The following MYLK3 variants were observed in gnomAD, a reference collection of about 807,000 sequenced individuals.
MYLK3 encodes MLC kinase.
MYLK3 carries 55 observed loss-of-function variants against 76.3 expected under a neutral mutation model. The ratio of observed to expected loss-of-function variants is 0.72; its 90% CI spans 0.58 to 0.90. The LOEUF (loss-of-function observed/expected upper bound fraction) is 0.90. MYLK3 is among the 40% of genes least tolerant of loss of function. The pLI is 0.00. For missense variants in MYLK3, 973 were observed against 1,053.6 expected (o/e 0.92, Z 1.06); for synonymous variants, 416 against 425.4 (o/e 0.98, Z 0.27).
Position 46,737,911 on chromosome 16 carries a change from T to A in MYLK3, c.801A>T (p.Ala267=). The change falls in exon 3 of 13, where the codon GCA becomes GCT. Residue 267 remains alanine, a synonymous_variant. Transcript: ENST00000394809. ...GGGAGACCACATTGACCCTGCCGGG[T>A]GCTGGAGCCAATTCCAGGCCAGTCC... ...NLRTGLELAP[A]PGRVNVVSPS... The A allele has an allele frequency of 1.2e-6, 2 of 1,614,140 alleles. No homozygotes were observed. Among genetic ancestry groups the A allele is most frequent in the Non-Finnish European group, 1.7e-6 (2 of 1,180,006 alleles).
In MYLK3 at chr16:46,732,118, C is replaced by A. The variant is rs945087187; in HGVS notation, c.1462+90G>T. On this transcript the variant is annotated intron_variant, in intron 4 of 12. Coordinates refer to ENST00000394809, the MANE Select transcript of MYLK3 (RefSeq NM_182493.3). ...GCCCCCAGACTCATATGATCTACCC[C>A]TGGAAGCTACAGGAAGACTCCCCAG... The A allele has an allele frequency of 2.2e-5, 25 of 1,144,590 alleles. No individual in the cohort carries two copies. In the Admixed American group the frequency reaches 2.2e-4, roughly 10 times the overall value. The allele number at this position is 1,144,590 out of a possible 1,614,324, so 70.9% of individuals were successfully genotyped here. A position where few individuals can be genotyped will look rare whatever the true frequency, so the allele number is the denominator to read the frequency against.
At chr16:46,738,991 C>T (rs1966889243) in intron 2 of MYLK3, among the ~76,000 whole-genome samples, 1 of 152,148 alleles carries the variant, frequency 6.6e-6, no homozygotes. Flanking sequence ...CAGGCACATG[C>T]CACCATGCCC....
Position 46,710,716 on chromosome 16 carries a change from C to T in MYLK3, c.2188G>A (p.Asp730Asn). 6.2e-7 allele frequency: 1 copy of T among 1,614,156 alleles called. No individual in the cohort carries two copies. The highest frequency in any genetic ancestry group is 8.5e-7 in the Non-Finnish European group (1 of 1,180,038). ...TMNFIVNCSW[D>N]FDADTFEGLS... Reference sequence around the variant, plus strand: ...CCTTCAAAGGTGTCAGCATCAAAATCCCAGCTACAGTTTACAATGAAATTC... The same window carrying T: ...CCTTCAAAGGTGTCAGCATCAAAATTCCAGCTACAGTTTACAATGAAATTC... The change falls in exon 11 of 13, where the codon GAT (aspartate) becomes AAT (asparagine). Residue 730 changes from aspartate (D) to asparagine (N), a missense_variant. By Grantham distance (23) the Asp-to-Asn change is conservative. Transcript: ENST00000394809.
At chr16:46,750,576 C>G (rs1210632806), upstream of MYLK3, among the ~76,000 whole-genome samples, 1 of 152,214 alleles carries the variant, frequency 6.6e-6, no homozygotes, top group Non-Finnish European at 1.5e-5. Flanking sequence ...CACCTATAAT[C>G]CCAGCTACTT....
chr16:46,733,046 G>C (rs1966855942), intron 3 of MYLK3, among the ~76,000 whole-genome samples: 1 of 152,204 alleles, frequency 6.6e-6, no homozygotes. Context: ...GGAAGCCCCA[G>C]ATCAGAAGTA....
In MYLK3 at chr16:46,747,943, A is replaced by G. The variant is rs898051564; in HGVS notation, c.251T>C (p.Ile84Thr). 2.5e-6 allele frequency: 4 copies of G among 1,613,354 alleles called. No homozygotes were observed. The highest frequency in any genetic ancestry group is 1.1e-5 in the South Asian group (1 of 91,076). Residue 84 changes from isoleucine to threonine, a missense_variant, in exon 1 of 13, where the codon ATT (isoleucine) becomes ACT (threonine). Coordinates refer to ENST00000394809, the MANE Select transcript of MYLK3 (RefSeq NM_182493.3). ...GPGGADGVPHIDTQAGWPEVL... is the reference protein window; with the variant it reads ...GPGGADGVPHTDTQAGWPEVL... ...CTCGGGCCACCCAGCCTGGGTGTCAATGTGGGGAACCCCATCAGCCCCGCC... is the reference window on the plus strand; with the variant it reads ...CTCGGGCCACCCAGCCTGGGTGTCAGTGTGGGGAACCCCATCAGCCCCGCC...
chr16:46,735,015 C>T (rs1433265680), intron 3 of MYLK3, among the ~76,000 whole-genome samples: 1 of 151,912 alleles, frequency 6.6e-6, no homozygotes, highest in East Asian at 2.0e-4. Flanking sequence ...GTGGCACATG[C>T]TTGTAATCCC....
At chr16:46,748,474 G>A (rs891636999), upstream of MYLK3, among the ~76,000 whole-genome samples, 1 of 152,166 alleles carries the variant, frequency 6.6e-6, no homozygotes, top group Non-Finnish European at 1.5e-5. The surrounding 1 kb of genome is among the most constrained non-coding windows in gnomAD (Gnocchi z 4.3). Flanking sequence ...CATCACGGCA[G>A]CATTTAACAT....
Position 46,707,695 on chromosome 16 carries a change from A to G in MYLK3, c.*9T>C. The G allele has an allele frequency of 6.3e-7, 1 of 1,598,822 alleles. No homozygotes were observed. Among genetic ancestry groups the G allele is most frequent in the Non-Finnish European group, 8.6e-7 (1 of 1,166,290 alleles). ...ATTTCTGGACCCATTGGAGCAGCAG[A>G]GTTGAAGATTAGGGAGAAGTTGGAA... is the stretch of plus-strand genomic sequence containing the variant. On this transcript the variant is annotated 3_prime_UTR_variant, in exon 13 of 13. Transcript: ENST00000394809.
chr16:46,738,003 G>C lies in MYLK3; in HGVS notation c.709C>G (p.Pro237Ala), dbSNP rs761554353. 6.2e-6 allele frequency: 10 copies of C among 1,613,478 alleles called. No homozygotes were observed. The East Asian group carries it at 2.2e-4, about 36-fold the overall frequency. The change falls in exon 3 of 13, where the codon CCT becomes GCT. Residue 237 changes from proline to alanine, a missense_variant. Coordinates refer to ENST00000394809, the MANE Select transcript of MYLK3 (RefSeq NM_182493.3). ...TTTGTGGGCAGGGGCAGGTGGCCAG[G>C]GAATGCCTGGGCTGGGCCAGGAACA... is the stretch of plus-strand genomic sequence containing the variant. Reference protein sequence around the residue: ...DGVPGPAQAFPGHLPLPTKVE... With the variant: ...DGVPGPAQAFAGHLPLPTKVE...
At chr16:46,760,635 T>G (rs1040244338) in intron 1 of MYLK3, among the ~76,000 whole-genome samples, 2 of 152,090 alleles carry the variant, frequency 1.3e-5, no homozygotes, top group African/African-American at 4.8e-5. Context: ...CCACATCCCA[T>G]CAAAAGAACT....
At chr16:46,722,459 T>C (rs1342137190) in intron 8 of MYLK3, among the ~76,000 whole-genome samples, 2 of 152,228 alleles carry the variant, frequency 1.3e-5, no homozygotes, top group East Asian at 3.8e-4. Context: ...AAGTTTTCAT[T>C]GTTATTTATG....
At chr16:46,731,290 G>C (rs1246591954) in intron 4 of MYLK3, among the ~76,000 whole-genome samples, 1 of 152,234 alleles carries the variant, frequency 6.6e-6, no homozygotes, top group Non-Finnish European at 1.5e-5. Flanking sequence ...GGAAATAGAG[G>C]ACGGCCAGCA....
intron 9 of MYLK3, among the ~76,000 whole-genome samples, chr16:46,720,908 C>T (rs1428480151): frequency 1.3e-5 from 2 of 152,030 alleles, no homozygotes; most frequent in Non-Finnish European, 2.9e-5. Context: ...ATTCCATAGC[C>T]TTTTAGGAAG....
In MYLK3 at chr16:46,710,675, G is replaced by A; in HGVS notation, c.2229C>T (p.Ala743=). 6.2e-7 allele frequency: 1 copy of A among 1,614,150 alleles called. No individual in the cohort carries two copies. Among genetic ancestry groups the A allele is most frequent in the South Asian group, 1.1e-5 (1 of 91,078 alleles). The change falls in exon 11 of 13, where the codon GCC becomes GCT. Residue 743 remains alanine, a synonymous_variant. Coordinates refer to ENST00000394809, the MANE Select transcript of MYLK3 (RefSeq NM_182493.3). ...CCAGCAACCGGGAAACAAAGTCCTTGGCCTCCTCCGAGAGCCCTTCAAAGG... is the reference window on the plus strand; with the variant it reads ...CCAGCAACCGGGAAACAAAGTCCTTAGCCTCCTCCGAGAGCCCTTCAAAGG... ...ADTFEGLSEE[A]KDFVSRLLVK...
At chr16:46,721,039 A>T in intron 9 of MYLK3, 84 bp downstream of exon 9, 10 of 1,219,788 alleles carry the variant, frequency 8.2e-6, no homozygotes, top group Non-Finnish European at 1.1e-5. Flanking sequence ...CTCAAGCATT[A>T]GCTGGGTCAG....
intron 10 of MYLK3, chr16:46,711,796 G>A (rs1966686573): frequency 3.6e-6 from 1 of 278,008 alleles, no homozygotes; most frequent in South Asian, 3.0e-5. Context: ...GGAATAACTG[G>A]TAAGAATTAG....
chr16:46,704,158 G>A lies in MYLK3; in HGVS notation c.*3546C>T, dbSNP rs1303518785. 4 of 152,170 alleles carry A rather than the reference G, an allele frequency of 2.6e-5. No individual in the cohort carries two copies. The highest frequency in any genetic ancestry group is 9.7e-5 in the African/African-American group (4 of 41,422). The allele number at this position is 152,170 out of a possible 1,614,324, so 9.4% of individuals were successfully genotyped here. A position where few individuals can be genotyped will look rare whatever the true frequency, so the allele number is the denominator to read the frequency against. On this transcript the variant is annotated 3_prime_UTR_variant, in exon 13 of 13. Transcript: ENST00000394809. ...AAAGTTTTGCTCTGCCACCCAGGCT[G>A]GAGTGCAGTGGTGTGATCTCAGCTC...
In MYLK3 at chr16:46,747,467, C is replaced by T. The variant is rs932968979; in HGVS notation, c.477+250G>A. 1.2e-3 allele frequency among the ~76,000 whole-genome samples: 187 copies of T among 152,374 alleles called. 3 individuals carry two copies. The highest frequency in any genetic ancestry group is 7.7e-4 in the East Asian group (4 of 5,182). On this transcript the variant is annotated intron_variant, in intron 1 of 12. Transcript: ENST00000394809. Reference sequence around the variant, plus strand: ...AGCGTGTCCCCCACAGCTAGGTTCCCTGGAGCTGCCAAGACCCTGCAGTCC... The same window carrying T: ...AGCGTGTCCCCCACAGCTAGGTTCCTTGGAGCTGCCAAGACCCTGCAGTCC...
Sources: gnomAD v4.1 joint callset for allele counts (sites outside exome capture counted in the v4.1 genomes callset) on GRCh38, gnomAD v4.1.1 for gene constraint, Gnocchi (gnomAD v3.1) non-coding constraint, MANE v1.5 for transcripts, NCBI Gene and HGNC (gene_info 2026-07-23, HGNC 2026-07-21) for gene names.